APPL1: variants seen among roughly 807,000 people sequenced by gnomAD.
APPL1 encodes the protein DCC-interacting protein 13-alpha.
APPL1 carries 42 observed loss-of-function variants against 106.8 expected under a neutral mutation model. The observed-to-expected ratio is 0.39, with a 90% CI of 0.31 to 0.51. APPL1 has a LOEUF of 0.51. Ranked by LOEUF, APPL1 falls within the 20% of genes least tolerant of loss-of-function variation. APPL1 has a pLI of 0.75. For synonymous variants in APPL1, 263 were observed against 281.8 expected, an observed-to-expected ratio of 0.93 and a Z score of 0.67; for missense variants, 769 against 858.2, an observed-to-expected ratio of 0.90 and a Z score of 1.30.
In APPL1 at chr3:57,238,113, T is replaced by C. The variant is rs776407998; in HGVS notation, c.282T>C (p.Asp94=). 8.1e-6 allele frequency: 13 copies of C among 1,607,278 alleles called. No individual in the cohort carries two copies. The highest frequency in any genetic ancestry group is 1.3e-5 in the African/African-American group (1 of 74,676). ...TGCAACAGTTTTCAAAAGTTATAGA[T>C]GAGGTAAACGTTTATTTTATTTTGC... The part of the protein sequence containing the change: ...STLQQFSKVI[D]ELSSCHAVLS... Residue 94 remains aspartate, a synonymous_variant, in exon 4 of 22, where the codon GAT becomes GAC. Coordinates refer to ENST00000288266, the MANE Select transcript of APPL1 (RefSeq NM_012096.3).
intron 18 of APPL1, 41 bp from the exon 19 acceptor site, chr3:57,260,586 CT>C (rs1446478957): frequency 1.3e-6 from 2 of 1,567,648 alleles, no homozygotes; most frequent in African/African-American, 2.7e-5. Flanking sequence ...GCTGTAATGA[CT>C]TGTAAGATCT....
chr3:57,240,654 G>A, intron 5 of APPL1, 102 bp downstream of exon 5: 1 of 1,011,458 alleles, frequency 9.9e-7, no homozygotes. Flanking sequence ...GACAGCCTAT[G>A]CCACTCTTAC....
rs2060932350 is a variant in APPL1, at chr3:57,270,791, G to A, written c.*1104G>A. ...AATTTGCACTAATTATTGTAAATATGTCTACTCTTCAAATGAGTAAAAGGT... is the reference window on the plus strand; with the variant it reads ...AATTTGCACTAATTATTGTAAATATATCTACTCTTCAAATGAGTAAAAGGT... On this transcript the variant is annotated 3_prime_UTR_variant, in exon 22 of 22. Transcript: ENST00000288266. 1 of 152,148 alleles carries A rather than the reference G, an allele frequency of 6.6e-6. No homozygotes were observed. Among genetic ancestry groups the A allele is most frequent in the Non-Finnish European group, 1.5e-5 (1 of 68,002 alleles). 9.4% of individuals were successfully genotyped at this position (152,148 alleles called of 1,614,324 possible).
chr3:57,260,093 C>A, intron 17 of APPL1, 24 bp from the exon 18 acceptor site: 1 of 1,605,680 alleles, frequency 6.2e-7, no homozygotes, highest in Non-Finnish European at 8.5e-7. Flanking sequence ...AATTTGTTTT[C>A]CAATTTTTAA....
Position 57,248,256 on chromosome 3 carries a change from A to G in APPL1, c.768A>G (p.Val256=), listed in dbSNP as rs765542507. The G allele has an allele frequency of 1.4e-5, 22 of 1,614,202 alleles. No homozygotes were observed. The highest frequency in any genetic ancestry group is 1.9e-5 in the Non-Finnish European group (22 of 1,180,040). The change falls in exon 10 of 22, where the codon GTA becomes GTG. Residue 256 remains valine (V), a synonymous_variant. Transcript: ENST00000288266. ...AACAGACAATAGAGGATTTGGAAGT[A>G]GCCAGTGATCCCTTATATGTGCCTG... is the stretch of plus-strand genomic sequence containing the variant. ...TMQQTIEDLE[V]ASDPLYVPDP...
At chr3:57,260,192 T>C (rs2060857917) in intron 18 of APPL1, 39 bp downstream of exon 18, 1 of 1,575,878 alleles carries the variant, frequency 6.3e-7, no homozygotes, top group African/African-American at 1.4e-5. Flanking sequence ...TTAGGTCCCT[T>C]TGTATATATA....
intron 2 of APPL1, among the ~76,000 whole-genome samples, chr3:57,236,330 CTT>C (rs1359304100): frequency 3.2e-4 from 43 of 133,648 alleles, no homozygotes; most frequent in Non-Finnish European, 3.1e-4. Context: ...ACCCAGCCCC[CTT>C]TTTTTTTTTT....
intron 1 of APPL1, chr3:57,230,738 C>G: frequency 2.2e-6 from 1 of 450,914 alleles, no homozygotes; most frequent in South Asian, 1.7e-5. Flanking sequence ...AGCAGAGCAG[C>G]AAAGAATATG....
intron 19 of APPL1, among the ~76,000 whole-genome samples, chr3:57,267,321 C>G (rs1300462289): frequency 1.3e-5 from 2 of 152,202 alleles, no homozygotes; most frequent in Non-Finnish European, 2.9e-5. Context: ...GGCCTTCTGA[C>G]TCTACAGACC....
rs550975304 is a variant in APPL1 at position 57,272,610 on chromosome 3, G to A, written c.*2923G>A. 1 of 151,966 alleles carries A rather than the reference G, an allele frequency of 6.6e-6. No homozygotes were observed. Among genetic ancestry groups the A allele is most frequent in the South Asian group, 2.1e-4 (1 of 4,804 alleles). The allele number at this position is 151,966 out of a possible 1,614,324, so 9.4% of individuals were successfully genotyped here. On this transcript the variant is annotated 3_prime_UTR_variant, in exon 22 of 22. Coordinates refer to ENST00000288266, the MANE Select transcript of APPL1 (RefSeq NM_012096.3). ...ACCTGAATAAAATGAAAAAAAAAGT[G>A]TTTTTTTGAGACAGAGTCTTGCTCT...
rs140294967 is a variant in APPL1 at position 57,249,537 on chromosome 3, C to T, written c.1041C>T (p.Phe347=). 388 of 1,565,624 alleles carry T rather than the reference C, an allele frequency of 2.5e-4. 1 individual carries two copies. The highest frequency in any genetic ancestry group is 3.3e-4 in the Non-Finnish European group (379 of 1,159,480). ...DRRYCFQITS[F]DGKKSSILQA... ...GATATTGTTTTCAGATCACCTCTTT[C>T]GATGGAAAAAAGTTAGTATTTTTTT... The change falls in exon 11 of 22, where the codon TTC becomes TTT. Residue 347 remains phenylalanine, a synonymous_variant. Transcript: ENST00000288266.
At chr3:57,254,659 G>A (rs1006659783) in intron 13 of APPL1, among the ~76,000 whole-genome samples, 2 of 152,080 alleles carry the variant, frequency 1.3e-5, no homozygotes, top group Non-Finnish European at 1.5e-5. Context: ...GAGTCTTGCG[G>A]TGTTGCCCAG....
chr3:57,233,349 G>A (rs1449172758), intron 1 of APPL1, among the ~76,000 whole-genome samples: 1 of 152,120 alleles, frequency 6.6e-6, no homozygotes, highest in African/African-American at 2.4e-5. Context: ...ATTATCCAGT[G>A]TTGAAGTTGA....
chr3:57,267,520 T>G (rs2060900882), intron 19 of APPL1, among the ~76,000 whole-genome samples: 1 of 152,030 alleles, frequency 6.6e-6, no homozygotes, highest in African/African-American at 2.4e-5. Context: ...TAACAAGAAG[T>G]GGGGTATATA....
At position 57,235,546 on chromosome 3, in the gene APPL1, A is replaced by T. The variant is rs775135627; in HGVS notation, c.55-20A>T. The T allele has an allele frequency of 2.0e-6, 3 of 1,472,348 alleles. No individual in the cohort carries two copies. In the East Asian group the frequency reaches 6.9e-5, roughly 34 times the overall value. 91.2% of individuals were successfully genotyped at this position (1,472,348 alleles called of 1,614,324 possible). A position where few individuals can be genotyped will look rare whatever the true frequency, so the allele number is the denominator to read the frequency against. ...TTTGTATAATGATTAACATAAACTT[A>T]TTGCTATTGTTTTATACAGACAAGG... On this transcript the variant is annotated intron_variant, in intron 1 of 21. Coordinates refer to ENST00000288266, the MANE Select transcript of APPL1 (RefSeq NM_012096.3).
chr3:57,253,546 GA>G (rs2060816682), intron 12 of APPL1, 135 bp from the exon 13 acceptor site: 2 of 573,554 alleles, frequency 3.5e-6, no homozygotes. Context: ...CATCTGTTAT[GA>G]AATGTTTTCT....
chr3:57,267,379 T>TTTATGTTGGGAACCAAACA (rs1174028542), intron 19 of APPL1, among the ~76,000 whole-genome samples: 4 of 152,206 alleles, frequency 2.6e-5, no homozygotes, highest in Non-Finnish European at 5.9e-5. Context: ...TAGCCTCTCA[T>TTTATGTTGGGAACCAAACA]TTATGTTGGG....
In APPL1 at chr3:57,228,661, C is replaced by T. The variant is rs1252111611; in HGVS notation, c.54+724C>T. Among the ~76,000 whole-genome samples, 1 of 152,250 alleles carries T rather than the reference C, an allele frequency of 6.6e-6. No individual in the cohort carries two copies. Among genetic ancestry groups the T allele is most frequent in the Non-Finnish European group, 1.5e-5 (1 of 68,046 alleles). On this transcript the variant is annotated intron_variant, in intron 1 of 21. Transcript: ENST00000288266. This position sits in a 1 kb window ranked among gnomAD's most constrained non-coding sequence, Gnocchi z 4.6. ...AATGATGCTGATGTGGTTGCTCTAG[C>T]TTAAGACAGTTTTGGAAAATGTAAC...
intron 8 of APPL1, among the ~76,000 whole-genome samples, chr3:57,247,054 T>A (rs1258165819): frequency 1.3e-5 from 2 of 152,020 alleles, no homozygotes; most frequent in Admixed American, 1.3e-4. Context: ...ATTCCTCAGA[T>A]AGAAAACTTA....
Sources: gnomAD v4.1 joint callset for allele counts (sites outside exome capture counted in the v4.1 genomes callset) on GRCh38, gnomAD v4.1.1 for gene constraint, Gnocchi (gnomAD v3.1) non-coding constraint, MANE v1.5 for transcripts, NCBI Gene and HGNC (gene_info 2026-07-23, HGNC 2026-07-21) for gene names.